Variants in NPR3 observed in about 807,000 individuals in gnomAD.
NPR3 encodes atrial natriuretic peptide receptor 3.
A neutral mutation model predicts 54.5 loss-of-function variants in NPR3; 34 were observed. That is an observed-to-expected ratio of 0.62 (90% CI 0.47 to 0.83). The LOEUF (loss-of-function observed/expected upper bound fraction) is 0.83, where lower values mean the gene tolerates loss of function less well. NPR3 is among the 40% of genes least tolerant of loss of function. NPR3 has a pLI of 0.00. For synonymous variants in NPR3, 289 were observed against 297.1 expected, an observed-to-expected ratio of 0.97 and a Z score of 0.28; for missense variants, 674 against 720.8, an observed-to-expected ratio of 0.94 and a Z score of 0.74.
chr5:32,783,052 T>A, intron 6 of NPR3, 24 bp downstream of exon 6: 1 of 1,584,768 alleles, frequency 6.3e-7, no homozygotes, highest in East Asian at 2.3e-5. Flanking sequence ...CTTAATTTGC[T>A]ATGTATGTCA....
At chr5:32,761,717 T>C (rs192876010) in intron 3 of NPR3, among the ~76,000 whole-genome samples, 1 of 151,260 alleles carries the variant, frequency 6.6e-6, no homozygotes, top group African/African-American at 2.4e-5. Context: ...TAACTCTCTT[T>C]GGCTATCTTT....
intron 2 of NPR3, among the ~76,000 whole-genome samples, chr5:32,727,943 T>G (rs1739221131): frequency 6.6e-6 from 1 of 152,252 alleles, no homozygotes; most frequent in African/African-American, 2.4e-5. Context: ...AGTATCCTTT[T>G]ATTCCTAGTT....
At chr5:32,710,894 A>ATGTG (rs34939454), upstream of NPR3, 42,703 of 507,910 alleles carry the variant, frequency 0.084, 1,466 homozygotes, top group African/African-American at 0.12. Context: ...GTGTGTGTAT[A>ATGTG]TGTGTGTGTG....
In NPR3 at chr5:32,712,059, C is replaced by T; in HGVS notation, c.283C>T (p.Pro95Ser). ...CGGGACTGGGAGGCGGCTTCTGCCG[C>T]CGGGCACTCGCTTCCAGGTGGCTTA... ...GNGTGRRLLP[P>S]GTRFQVAYED... Residue 95 changes from proline to serine, a missense_variant, in exon 1 of 8, where the codon CCG becomes TCG. Physicochemically the swap from Pro to Ser is moderately conservative, Grantham distance 74. Coordinates refer to ENST00000265074, the MANE Select transcript of NPR3 (RefSeq NM_001204375.2). 6.2e-7 allele frequency: 1 copy of T among 1,613,882 alleles called. No individual in the cohort carries two copies. The highest frequency in any genetic ancestry group is 1.1e-5 in the South Asian group (1 of 91,090).
Position 32,791,548 on chromosome 5 carries a change from G to GT in NPR3, c.*5207dup, listed in dbSNP as rs1472496712. On this transcript the variant is annotated 3_prime_UTR_variant, in exon 8 of 8. Coordinates refer to ENST00000265074, the MANE Select transcript of NPR3 (RefSeq NM_001204375.2). The stretch of plus-strand genomic sequence containing the variant: ...ACTAATGACTGTGGATATAACCCAT[G>GT]TTTTGTATAATATATTTTATTTCTT... The GT allele has an allele frequency of 6.0e-6, 1 of 167,040 alleles. No individual in the cohort carries two copies. The highest frequency in any genetic ancestry group is 1.5e-5 in the Non-Finnish European group (1 of 68,122). The allele number at this position is 167,040 out of a possible 1,614,324, so 10.3% of individuals were successfully genotyped here.
At chr5:32,763,352 G>A (rs545984750) in intron 3 of NPR3, among the ~76,000 whole-genome samples, 2 of 152,048 alleles carry the variant, frequency 1.3e-5, no homozygotes, top group South Asian at 2.1e-4. Context: ...TTGCTCTGTT[G>A]CCCAGGCTAG....
rs1270399463 is a variant in NPR3 at position 32,692,257 on chromosome 5, G to T, written c.100+3071G>T. On this transcript the variant is annotated intron_variant, in intron 1 of 5. Transcript: ENST00000509104. ...TACACTTATATATACTTAGACATGAGAAATTACCCAAGAAGAAAGGCATTT... is the reference window on the plus strand; with the variant it reads ...TACACTTATATATACTTAGACATGATAAATTACCCAAGAAGAAAGGCATTT... Among the ~76,000 whole-genome samples, 4 of 152,252 alleles carry T rather than the reference G, an allele frequency of 2.6e-5. 1 individual carries two copies. In the East Asian group the frequency reaches 5.8e-4, roughly 22 times the overall value.
Position 32,784,845 on chromosome 5 carries a change from A to C in NPR3, c.1476A>C (p.Leu492Phe), listed in dbSNP as rs774026641. 1.9e-6 allele frequency: 3 copies of C among 1,613,830 alleles called. No individual in the cohort carries two copies. The South Asian group carries it at 3.3e-5, about 18-fold the overall frequency. Residue 492 changes from leucine to phenylalanine, a missense_variant, in exon 7 of 8, where the codon TTA (leucine) becomes TTC (phenylalanine). By Grantham distance (22) the Leu-to-Phe change is conservative. Transcript: ENST00000265074. ...TGACAGGAATTGTCGTGGGGGCTTT[A>C]CTAGGAGCTGGCTTGCTAATGGCCT... ...SAVTGIVVGA[L>F]LGAGLLMAFY...
intron 3 of NPR3, among the ~76,000 whole-genome samples, chr5:32,772,830 C>G (rs985338253): frequency 4.6e-5 from 7 of 152,086 alleles, no homozygotes; most frequent in African/African-American, 1.7e-4. Context: ...GTTAATTTTT[C>G]TCATTTTCCA....
At chr5:32,702,696 A>G (rs955982111) in intron 1 of NPR3, among the ~76,000 whole-genome samples, 2 of 152,086 alleles carry the variant, frequency 1.3e-5, no homozygotes, top group Non-Finnish European at 2.9e-5. Context: ...AGTCTTTGCT[A>G]TTGTGAATAG....
intron 2 of NPR3, among the ~76,000 whole-genome samples, chr5:32,732,143 AG>A (rs1382159024): frequency 1.2e-4 from 17 of 146,224 alleles, no homozygotes; most frequent in Admixed American, 1.1e-3. Context: ...CGGGAGGCTG[AG>A]GCAGGAGAAT....
At chr5:32,736,972 C>T (rs1357378464) in intron 2 of NPR3, among the ~76,000 whole-genome samples, 1 of 152,176 alleles carries the variant, frequency 6.6e-6, no homozygotes, top group African/African-American at 2.4e-5. Flanking sequence ...TATGATTATA[C>T]AGATGCCTCT....
chr5:32,704,363 T>C (rs577134130), intron 1 of NPR3, among the ~76,000 whole-genome samples: 1 of 140,524 alleles, frequency 7.1e-6, no homozygotes, highest in African/African-American at 2.7e-5. Context: ...AGTGTTCTTT[T>C]GGCTCTTTGT....
intron 1 of NPR3, chr5:32,716,523 A>C: frequency 2.3e-6 from 1 of 437,122 alleles, no homozygotes; most frequent in Non-Finnish European, 4.5e-6. Flanking sequence ...CAGTAGGCTG[A>C]GGCAGGAGGA....
At chr5:32,765,792 T>G (rs1741420711) in intron 3 of NPR3, among the ~76,000 whole-genome samples, 1 of 152,152 alleles carries the variant, frequency 6.6e-6, no homozygotes. Context: ...AGGATACAGA[T>G]GACACATTGA....
chr5:32,691,643 T>C (rs1740390686), intron 1 of NPR3, among the ~76,000 whole-genome samples: 1 of 152,270 alleles, frequency 6.6e-6, no homozygotes, highest in African/African-American at 2.4e-5. Flanking sequence ...TAGCTGATGC[T>C]GCCATTTTGC....
intron 3 of NPR3, among the ~76,000 whole-genome samples, chr5:32,745,047 G>A (rs181481011): frequency 2.2e-4 from 33 of 152,326 alleles, no homozygotes; most frequent in Admixed American, 1.9e-3. Flanking sequence ...GGTGGAAACT[G>A]AGGCTGAGAA....
At chr5:32,777,514 G>A (rs1742120308) in intron 4 of NPR3, among the ~76,000 whole-genome samples, 1 of 152,144 alleles carries the variant, frequency 6.6e-6, no homozygotes, top group African/African-American at 2.4e-5. Flanking sequence ...TCCAACTAGT[G>A]ACATTTTTCA....
At chr5:32,728,170 A>C (rs1289682079) in intron 2 of NPR3, among the ~76,000 whole-genome samples, 2 of 152,190 alleles carry the variant, frequency 1.3e-5, no homozygotes, top group African/African-American at 4.8e-5. Context: ...GAGATTCAAG[A>C]GCAGTTTTTA....
Sources: allele counts gnomAD v4.1 joint callset (sites outside exome capture counted in the v4.1 genomes callset), GRCh38; gene constraint gnomAD v4.1.1; transcripts MANE v1.5; gene names NCBI Gene and HGNC (gene_info 2026-07-23, HGNC 2026-07-21).